The following ZCCHC4 variants were observed in gnomAD, a reference collection of about 807,000 sequenced individuals.
ZCCHC4 encodes rRNA N(6)-adenosine-methyltransferase ZCCHC4.
Under a neutral mutation model 67.7 loss-of-function variants are expected in ZCCHC4, and 54 were observed. That is an observed-to-expected ratio of 0.80 (90% CI 0.64 to 1.00). ZCCHC4 has a LOEUF of 1.00. Ranked by LOEUF, ZCCHC4 falls within the 50% of genes least tolerant of loss-of-function variation. ZCCHC4 has a pLI of 0.00. For synonymous variants in ZCCHC4, 198 were observed against 213.5 expected, an observed-to-expected ratio of 0.93 and a Z score of 0.63; for missense variants, 609 against 617.0, an observed-to-expected ratio of 0.99 and a Z score of 0.14.
chr4:25,343,417 A>G (rs1464421200), intron 5 of ZCCHC4, among the ~76,000 whole-genome samples: 1 of 152,228 alleles, frequency 6.6e-6, no homozygotes, highest in Non-Finnish European at 1.5e-5. Context: ...GAACATAAAC[A>G]TAATTCCCTA....
rs1054447921 is a variant in ZCCHC4 at position 25,369,498 on chromosome 4, A to G, written c.*334A>G. Reference sequence around the variant, plus strand: ...TCCCAGGCTAGAGTGCAATGGCACAACCTCAGCTCACTGCAACCTCTGCCT... The same window carrying G: ...TCCCAGGCTAGAGTGCAATGGCACAGCCTCAGCTCACTGCAACCTCTGCCT... On this transcript the variant is annotated 3_prime_UTR_variant, in exon 13 of 13. Coordinates refer to ENST00000302874, the MANE Select transcript of ZCCHC4 (RefSeq NM_024936.3). 19 of 217,234 alleles carry G rather than the reference A, an allele frequency of 8.7e-5. No individual in the cohort carries two copies. Among genetic ancestry groups the G allele is most frequent in the Non-Finnish European group, 1.6e-4 (18 of 111,554 alleles). The allele number at this position is 217,234 out of a possible 1,614,324, so 13.5% of individuals were successfully genotyped here. A position where few individuals can be genotyped will look rare whatever the true frequency, so the allele number is the denominator to read the frequency against.
intron 6 of ZCCHC4, among the ~76,000 whole-genome samples, chr4:25,346,674 A>G (rs1560410591): frequency 6.6e-6 from 1 of 152,198 alleles, no homozygotes; most frequent in Non-Finnish European, 1.5e-5. Flanking sequence ...ATTGGGATAT[A>G]TATTAATATT....
At chr4:25,362,158 G>C (rs1720763844) in intron 9 of ZCCHC4, 68 bp from the exon 10 acceptor site, 1 of 1,495,040 alleles carries the variant, frequency 6.7e-7, no homozygotes, top group South Asian at 1.2e-5. Context: ...TGAGTGCTTT[G>C]TAAAGTTTTA....
Position 25,370,168 on chromosome 4 carries a change from C to T in ZCCHC4, c.*1004C>T, listed in dbSNP as rs924412464. The T allele has an allele frequency of 6.6e-6, 1 of 152,176 alleles. No individual in the cohort carries two copies. The highest frequency in any genetic ancestry group is 2.4e-5 in the African/African-American group (1 of 41,434). 9.4% of individuals were successfully genotyped at this position (152,176 alleles called of 1,614,324 possible). ...TTTAACCTATGCAGTAAGATTCTGT[C>T]TTTGTAAAAGTAGTTCGTAGCAGAA... On this transcript the variant is annotated 3_prime_UTR_variant, in exon 13 of 13. Coordinates refer to ENST00000302874, the MANE Select transcript of ZCCHC4 (RefSeq NM_024936.3).
At chr4:25,367,600 G>A (rs369621816) in intron 12 of ZCCHC4, among the ~76,000 whole-genome samples, 25 of 152,194 alleles carry the variant, frequency 1.6e-4, no homozygotes, top group African/African-American at 5.5e-4. Flanking sequence ...AAAAAGTGGG[G>A]AAATAGATTT....
rs1217818889 is a variant in ZCCHC4, at chr4:25,313,957, AATTTT to A, written c.128-84_128-80del. 3 of 777,064 alleles carry A rather than the reference AATTTT, an allele frequency of 3.9e-6. No homozygotes were observed. In the African/African-American group the frequency reaches 5.2e-5, roughly 13 times the overall value. 48.1% of individuals were successfully genotyped at this position (777,064 alleles called of 1,614,324 possible). On this transcript the variant is annotated intron_variant, in intron 1 of 12. Transcript: ENST00000302874. ...ATAAATTGTGCCTAAAGCTCAAACA[AATTTT>A]ATTTAAGGGCAGCGAAAACTAAGAA...
chr4:25,321,159 C>A (rs1264288676), intron 3 of ZCCHC4, among the ~76,000 whole-genome samples: 1 of 152,006 alleles, frequency 6.6e-6, no homozygotes, highest in Non-Finnish European at 1.5e-5. Context: ...TTTTTTCTTT[C>A]TTTTCTCTGT....
At chr4:25,361,177 A>T (rs316817) in intron 8 of ZCCHC4, among the ~76,000 whole-genome samples, 30,606 of 152,194 alleles carry the variant, frequency 0.2, 3,958 homozygotes, top group African/African-American at 0.36. Context: ...CTTTAAAGGT[A>T]GGGGAACAAA....
At chr4:25,340,801 C>G (rs561646725) in intron 5 of ZCCHC4, among the ~76,000 whole-genome samples, 1 of 152,126 alleles carries the variant, frequency 6.6e-6, no homozygotes, top group South Asian at 2.1e-4. Context: ...TAATAGTACT[C>G]TGATTTACTT....
intron 3 of ZCCHC4, among the ~76,000 whole-genome samples, chr4:25,322,211 C>G (rs963140522): frequency 2.0e-5 from 3 of 151,972 alleles, no homozygotes; most frequent in Admixed American, 2.0e-4. Flanking sequence ...GCTCTCTCAC[C>G]CAGGTTGGAA....
chr4:25,333,893 C>T lies in ZCCHC4; in HGVS notation c.606-15C>T, dbSNP rs1333011800. On this transcript the variant is annotated splice_polypyrimidine_tract_variant and intron_variant, in intron 4 of 12. Coordinates refer to ENST00000302874, the MANE Select transcript of ZCCHC4 (RefSeq NM_024936.3). ...TGTAATATCTTATTACATTTGCTTT[C>T]ACTAATTGCTTTAGGTTGCATGAGC... 7 of 1,558,704 alleles carry T rather than the reference C, an allele frequency of 4.5e-6. No individual in the cohort carries two copies. The Admixed American group carries it at 1.5e-4, about 33-fold the overall frequency.
chr4:25,340,345 C>T (rs763228155), intron 5 of ZCCHC4, among the ~76,000 whole-genome samples: 22 of 152,222 alleles, frequency 1.4e-4, no homozygotes, highest in Non-Finnish European at 2.8e-4. Context: ...AAATTCTGTT[C>T]CATTGATCTA....
chr4:25,351,824 G>A (rs1720314507), intron 8 of ZCCHC4, 135 bp downstream of exon 8: 3 of 970,114 alleles, frequency 3.1e-6, no homozygotes, highest in South Asian at 5.4e-5. Flanking sequence ...ATATAGCTCA[G>A]TCCAGTGTTT....
At chr4:25,319,334 G>A (rs1174306460) in intron 3 of ZCCHC4, among the ~76,000 whole-genome samples, 1 of 151,994 alleles carries the variant, frequency 6.6e-6, no homozygotes, top group Non-Finnish European at 1.5e-5. Context: ...GTAGCGAGCC[G>A]AGATTGCGCC....
At chr4:25,339,874 A>ATTT (rs530212923) in intron 5 of ZCCHC4, among the ~76,000 whole-genome samples, 7 of 142,408 alleles carry the variant, frequency 4.9e-5, no homozygotes, top group African/African-American at 1.0e-4. Context: ...CTATTTTGAG[A>ATTT]TTTTTTTTTT....
chr4:25,326,878 T>C (rs113713589), intron 3 of ZCCHC4, among the ~76,000 whole-genome samples: 2,332 of 152,328 alleles, frequency 0.015, 35 homozygotes, highest in South Asian at 0.041. Context: ...GGTGATGTTT[T>C]GTAATTTTCA....
chr4:25,342,806 A>T (rs1189220990), intron 5 of ZCCHC4, among the ~76,000 whole-genome samples: 1 of 152,218 alleles, frequency 6.6e-6, no homozygotes, highest in Non-Finnish European at 1.5e-5. Flanking sequence ...AATATGAATA[A>T]TTATGCTCTC....
intron 5 of ZCCHC4, among the ~76,000 whole-genome samples, chr4:25,341,781 T>A (rs1022549604): frequency 5.9e-5 from 9 of 152,282 alleles, no homozygotes; most frequent in Admixed American, 1.3e-4. Flanking sequence ...ATATACAACT[T>A]AGTAGTGTTA....
intron 8 of ZCCHC4, among the ~76,000 whole-genome samples, chr4:25,360,908 A>C (rs923782331): frequency 5.3e-5 from 8 of 152,232 alleles, no homozygotes; most frequent in Non-Finnish European, 1.5e-5. Flanking sequence ...GGGCATGGGC[A>C]AAGTAGCCAA....
Sources: allele counts gnomAD v4.1 joint callset (sites outside exome capture counted in the v4.1 genomes callset), GRCh38; gene constraint gnomAD v4.1.1; transcripts MANE v1.5; gene names NCBI Gene and HGNC (gene_info 2026-07-23, HGNC 2026-07-21).